The following ATP6V1A variants were observed in gnomAD, a reference collection of about 807,000 sequenced individuals.
ATP6V1A encodes the protein ATPase H+ transporting V1 subunit A, also known as V-type proton ATPase catalytic subunit A.
ATP6V1A carries 18 observed loss-of-function variants against 70.1 expected under a neutral mutation model. That is an observed-to-expected ratio of 0.26 (90% confidence interval 0.18 to 0.38). The LOEUF (loss-of-function observed/expected upper bound fraction) is 0.38. Ranked by LOEUF, ATP6V1A falls within the 10% of genes least tolerant of loss-of-function variation. ATP6V1A has a pLI of 1.00. For synonymous variants in ATP6V1A, 232 were observed against 253.8 expected (o/e 0.91, Z 0.82); for missense variants, 424 against 772.4 (o/e 0.55, Z 5.35).
intron 4 of ATP6V1A, 38 bp downstream of exon 4, chr3:113,784,476 A>G: frequency 6.5e-7 from 1 of 1,538,554 alleles, no homozygotes; most frequent in South Asian, 1.1e-5. Context: ...AAGTTATTGA[A>G]AGAATATAAA....
chr3:113,806,093 C>T (rs1709273061), intron 14 of ATP6V1A, among the ~76,000 whole-genome samples: 2 of 151,950 alleles, frequency 1.3e-5, no homozygotes, highest in Admixed American at 6.6e-5. Flanking sequence ...GGCAACATGT[C>T]GAAATCCCGT....
chr3:113,796,443 T>G (rs1038105991), intron 11 of ATP6V1A, among the ~76,000 whole-genome samples: 1 of 152,208 alleles, frequency 6.6e-6, no homozygotes, highest in Non-Finnish European at 1.5e-5. Context: ...CATACCCACC[T>G]TTTTTGAACC....
At chr3:113,793,640 A>G (rs1709122066) in intron 8 of ATP6V1A, among the ~76,000 whole-genome samples, 1 of 152,172 alleles carries the variant, frequency 6.6e-6, no homozygotes, top group South Asian at 2.1e-4. Context: ...AATATGTGGT[A>G]ATTATTGTGT....
rs1228613682 is a variant in ATP6V1A at position 113,810,635 on chromosome 3, T to C, written c.*1208T>C. ...GAAGCCTAAGCTTCTGAGAATCATG[T>C]GGCAAGTGTGATGGGCAGTAAAATA... is the stretch of plus-strand genomic sequence containing the variant. On this transcript the variant is annotated 3_prime_UTR_variant, in exon 15 of 15. Transcript: ENST00000273398. The C allele has an allele frequency of 1.3e-5, 2 of 152,244 alleles. No individual in the cohort carries two copies. Among genetic ancestry groups the C allele is most frequent in the Non-Finnish European group, 2.9e-5 (2 of 68,042 alleles). 9.4% of individuals were successfully genotyped at this position (152,244 alleles called of 1,614,324 possible).
At chr3:113,790,417 A>G (rs1029902377) in intron 8 of ATP6V1A, among the ~76,000 whole-genome samples, 5 of 151,958 alleles carry the variant, frequency 3.3e-5, no homozygotes, top group Admixed American at 3.3e-4. Flanking sequence ...ATCTTATACT[A>G]CCTTTTTTCA....
Position 113,806,264 on chromosome 3 carries a change from A to G in ATP6V1A, c.1761+739A>G, listed in dbSNP as rs1257222225. Reference sequence around the variant, plus strand: ...GACCCAGTCTCAAAAAACAAAAAAAATTAGTATGTCACGTCTAAAATAAAT... The same window carrying G: ...GACCCAGTCTCAAAAAACAAAAAAAGTTAGTATGTCACGTCTAAAATAAAT... On this transcript the variant is annotated intron_variant, in intron 14 of 14. Transcript: ENST00000273398. Among the ~76,000 whole-genome samples the G allele has an allele frequency of 5.3e-5, 8 of 152,110 alleles. 1 individual carries two copies. Among genetic ancestry groups the G allele is most frequent in the Admixed American group, 5.2e-4 (8 of 15,250 alleles).
chr3:113,749,522 G>A (rs1386949794), intron 1 of ATP6V1A, among the ~76,000 whole-genome samples: 1 of 152,088 alleles, frequency 6.6e-6, no homozygotes, highest in African/African-American at 2.4e-5. Context: ...CACTAAGAAT[G>A]CTTTCTTCCC....
rs1355517209 is a variant in ATP6V1A, at chr3:113,789,800, C to T, written c.948C>T (p.Ser316=). The T allele has an allele frequency of 6.2e-7, 1 of 1,612,356 alleles. No individual in the cohort carries two copies. Among genetic ancestry groups the T allele is most frequent in the Non-Finnish European group, 8.5e-7 (1 of 1,178,508 alleles). ...MKRTALVANT[S]NMPVAAREAS... Reference sequence around the variant, plus strand: ...GGACAGCTTTGGTAGCCAATACCTCCAATATGCCTGTTGCTGCTAGAGAAG... The same window carrying T: ...GGACAGCTTTGGTAGCCAATACCTCTAATATGCCTGTTGCTGCTAGAGAAG... The change falls in exon 8 of 15, where the codon TCC becomes TCT. Residue 316 remains serine (S), a synonymous_variant. Transcript: ENST00000273398.
intron 1 of ATP6V1A, among the ~76,000 whole-genome samples, chr3:113,772,720 T>TC (rs1174225737): frequency 8.0e-6 from 1 of 124,482 alleles, no homozygotes; most frequent in African/African-American, 3.0e-5. Context: ...AGAGCAAGAC[T>TC]CCATCTCAAA....
intron 1 of ATP6V1A, among the ~76,000 whole-genome samples, chr3:113,769,475 A>G (rs1402903003): frequency 9.2e-5 from 14 of 152,178 alleles, no homozygotes; most frequent in Admixed American, 9.2e-4. Context: ...TTCATTATCA[A>G]TGAAGTGCCC....
At chr3:113,779,146 T>C (rs1404661712) in intron 2 of ATP6V1A, 1 of 193,416 alleles carries the variant, frequency 5.2e-6, no homozygotes, top group East Asian at 1.2e-4. Flanking sequence ...AAATAAACTA[T>C]GAAGTTTATA....
intron 1 of ATP6V1A, among the ~76,000 whole-genome samples, chr3:113,753,978 T>C (rs1708619187): frequency 6.6e-6 from 1 of 152,170 alleles, no homozygotes. Flanking sequence ...TCATTTTTTA[T>C]AAAACCAGTT....
chr3:113,752,080 CTG>C (rs2108005392), intron 1 of ATP6V1A, among the ~76,000 whole-genome samples: 1 of 151,944 alleles, frequency 6.6e-6, no homozygotes, highest in South Asian at 2.1e-4. Flanking sequence ...TCTGTTGAAA[CTG>C]TTCTCTTGGT....
intron 7 of ATP6V1A, among the ~76,000 whole-genome samples, chr3:113,789,489 A>C (rs1245741907): frequency 1.3e-5 from 2 of 152,166 alleles, no homozygotes; most frequent in Admixed American, 1.3e-4. Flanking sequence ...CTAGATTATT[A>C]TAGTAGTATT....
intron 12 of ATP6V1A, 184 bp from the exon 13 acceptor site, chr3:113,803,399 A>G: frequency 3.5e-6 from 2 of 568,950 alleles, no homozygotes; most frequent in South Asian, 4.5e-5. Context: ...AAGATGGTAA[A>G]TTTTATGTTA....
intron 12 of ATP6V1A, among the ~76,000 whole-genome samples, chr3:113,802,158 G>A (rs911132394): frequency 6.6e-6 from 1 of 152,078 alleles, no homozygotes; most frequent in Non-Finnish European, 1.5e-5. Flanking sequence ...CAGACATAGA[G>A]TAGTACATAC....
intron 1 of ATP6V1A, among the ~76,000 whole-genome samples, chr3:113,750,245 C>G (rs1173263207): frequency 6.6e-6 from 1 of 152,022 alleles, no homozygotes; most frequent in Non-Finnish European, 1.5e-5. Context: ...TTTGGGAGGC[C>G]AAGGCGGGCA....
intron 14 of ATP6V1A, 57 bp from the exon 15 acceptor site, chr3:113,809,278 A>C: frequency 6.7e-7 from 1 of 1,482,980 alleles, no homozygotes; most frequent in South Asian, 1.2e-5. Context: ...GTAACTTAAC[A>C]TACGTAATGA....
chr3:113,786,881 T>C (rs886376460), intron 6 of ATP6V1A, among the ~76,000 whole-genome samples: 24 of 151,528 alleles, frequency 1.6e-4, no homozygotes, highest in Non-Finnish European at 3.2e-4. Context: ...GCTCAAGCAA[T>C]CCTCCTCCTG....
Sources: allele counts gnomAD v4.1 joint callset (sites outside exome capture counted in the v4.1 genomes callset), GRCh38; gene constraint gnomAD v4.1.1; transcripts MANE v1.5; gene names NCBI Gene and HGNC (gene_info 2026-07-23, HGNC 2026-07-21).